CNTNAP5: variants seen among roughly 807,000 people sequenced by gnomAD.
The protein encoded by CNTNAP5 is contactin-associated protein-like 5.
In CNTNAP5, 72 loss-of-function variants were observed where a neutral mutation model predicts 150.2. The observed-to-expected ratio is 0.48, with a 90% CI of 0.40 to 0.58. The LOEUF is 0.58. CNTNAP5 is among the 20% of genes least tolerant of loss of function. The probability of loss-of-function intolerance (pLI) is 0.00; values close to 1 mark genes in which losing one functional copy is unlikely to be tolerated. For synonymous variants in CNTNAP5, 672 were observed against 619.8 expected, an observed-to-expected ratio of 1.08 and a Z score of -1.25; for missense variants, 1,636 against 1,626.2, an observed-to-expected ratio of 1.01 and a Z score of -0.10.
intron 3 of CNTNAP5, among the ~76,000 whole-genome samples, chr2:124,290,438 T>G (rs1346803811): frequency 6.6e-6 from 1 of 152,194 alleles, no homozygotes; most frequent in Non-Finnish European, 1.5e-5. Flanking sequence ...TCTTTAAAAT[T>G]GAACCTACTG....
intron 13 of CNTNAP5, among the ~76,000 whole-genome samples, chr2:124,681,135 T>A (rs1463574006): frequency 1.3e-5 from 2 of 150,206 alleles, no homozygotes; most frequent in African/African-American, 2.4e-5. Flanking sequence ...AAAAAATAAA[T>A]AAATAAAAAT....
At chr2:124,137,576 A>T (rs7606373) in intron 1 of CNTNAP5, among the ~76,000 whole-genome samples, 1 of 152,126 alleles carries the variant, frequency 6.6e-6, no homozygotes, top group South Asian at 2.1e-4. Flanking sequence ...TTAACACACA[A>T]AAAAAATTCT....
chr2:124,111,170 G>C (rs1399523321), intron 1 of CNTNAP5, among the ~76,000 whole-genome samples: 1 of 152,076 alleles, frequency 6.6e-6, no homozygotes, highest in Non-Finnish European at 1.5e-5. Context: ...ATGAAATTTG[G>C]GCAAATTCCA....
intron 11 of CNTNAP5, among the ~76,000 whole-genome samples, chr2:124,595,062 A>G (rs1311833325): frequency 7.5e-5 from 11 of 146,392 alleles, no homozygotes; most frequent in South Asian, 4.6e-4. Context: ...TTTTCTAGAT[A>G]AACAATCATG....
At position 124,857,664 on chromosome 2, in the gene CNTNAP5, A is replaced by T. The variant is rs191448966; in HGVS notation, c.3218-7642A>T. ...AACATGATGAAACCCTGTCTCCACTAAAAAAAAAAGAAAAAAAAATGAATA... is the reference window on the plus strand; with the variant it reads ...AACATGATGAAACCCTGTCTCCACTTAAAAAAAAAGAAAAAAAAATGAATA... On this transcript the variant is annotated intron_variant, in intron 19 of 23. Coordinates refer to ENST00000682447, the MANE Select transcript of CNTNAP5 (RefSeq NM_001367498.1). 5.6e-5 allele frequency among the ~76,000 whole-genome samples: 8 copies of T among 142,586 alleles called. No homozygotes were observed. The South Asian group carries it at 1.7e-3, about 31-fold the overall frequency. 93.5% of individuals were successfully genotyped at this position (142,586 alleles called of 152,430 possible). A position where few individuals can be genotyped will look rare whatever the true frequency, so the allele number is the denominator to read the frequency against.
At chr2:124,507,283 A>T (rs1472911841) in intron 8 of CNTNAP5, among the ~76,000 whole-genome samples, 1 of 151,980 alleles carries the variant, frequency 6.6e-6, no homozygotes, top group Non-Finnish European at 1.5e-5. Context: ...ACATGGCAAA[A>T]CCCCATCTTT....
At chr2:124,603,041 ACCTTCCTT>A (rs1354053252) in intron 11 of CNTNAP5, among the ~76,000 whole-genome samples, 2 of 101,642 alleles carry the variant, frequency 2.0e-5, no homozygotes, top group Admixed American at 3.0e-4. Flanking sequence ...TTTCCTTCCT[ACCTTCCTT>A]CCTTCCTTCT....
intron 21 of CNTNAP5, among the ~76,000 whole-genome samples, chr2:124,889,855 A>G (rs943771459): frequency 6.6e-6 from 1 of 152,014 alleles, no homozygotes; most frequent in African/African-American, 2.4e-5. Flanking sequence ...TATTATCGCC[A>G]CTGTTATATG....
chr2:124,661,582 G>A (rs1229683026), intron 13 of CNTNAP5, among the ~76,000 whole-genome samples: 1 of 151,362 alleles, frequency 6.6e-6, no homozygotes, highest in Non-Finnish European at 1.5e-5. Flanking sequence ...TTTTTAATAA[G>A]TAGAAATGGT....
At chr2:124,613,378 G>A (rs1170266440) in intron 12 of CNTNAP5, among the ~76,000 whole-genome samples, 1 of 152,266 alleles carries the variant, frequency 6.6e-6, no homozygotes, top group African/African-American at 2.4e-5. Context: ...GGAAAACCAA[G>A]CTCTCTTTCT....
intron 8 of CNTNAP5, among the ~76,000 whole-genome samples, 163 bp downstream of exon 8, chr2:124,504,719 T>C (rs35575439): frequency 0.012 from 1,792 of 149,246 alleles, 23 homozygotes; most frequent in Non-Finnish European, 0.017. Flanking sequence ...TTTTTTTTTT[T>C]TTTTTTTGAA....
At chr2:124,471,009 C>T (rs1017063949) in intron 6 of CNTNAP5, among the ~76,000 whole-genome samples, 2 of 152,072 alleles carry the variant, frequency 1.3e-5, no homozygotes, top group African/African-American at 2.4e-5. Flanking sequence ...TAGCATGATG[C>T]CTCCAGCTTT....
chr2:124,444,599 A>AAAAC (rs954030019), intron 5 of CNTNAP5, among the ~76,000 whole-genome samples: 2 of 152,046 alleles, frequency 1.3e-5, no homozygotes, highest in Non-Finnish European at 2.9e-5. Context: ...ACTGCATCTC[A>AAAAC]AAACAAACAA....
intron 7 of CNTNAP5, among the ~76,000 whole-genome samples, chr2:124,502,376 G>T (rs1273364809): frequency 1.3e-5 from 2 of 152,170 alleles, no homozygotes; most frequent in Non-Finnish European, 2.9e-5. Context: ...GCCTTCCATG[G>T]CTGTGATCCA....
chr2:124,468,133 C>T (rs191249041), intron 6 of CNTNAP5, among the ~76,000 whole-genome samples: 2 of 152,192 alleles, frequency 1.3e-5, no homozygotes. Context: ...CCTTAGTGTA[C>T]TAACCAGGGT....
At chr2:124,251,206 T>C (rs1687165364) in intron 3 of CNTNAP5, among the ~76,000 whole-genome samples, 1 of 152,146 alleles carries the variant, frequency 6.6e-6, no homozygotes, top group Non-Finnish European at 1.5e-5. Context: ...TAGACTTGTC[T>C]TGAAAATAAT....
At chr2:124,376,333 A>T (rs974278626) in intron 3 of CNTNAP5, among the ~76,000 whole-genome samples, 1 of 152,126 alleles carries the variant, frequency 6.6e-6, no homozygotes, top group Admixed American at 6.6e-5. Flanking sequence ...AGCAGGAGCA[A>T]GCATAGACAT....
intron 19 of CNTNAP5, among the ~76,000 whole-genome samples, chr2:124,819,246 A>G (rs1682434089): frequency 1.3e-5 from 2 of 152,148 alleles, no homozygotes; most frequent in Non-Finnish European, 2.9e-5. Flanking sequence ...TGTCCTTTGT[A>G]GCTAGGATGG....
At chr2:124,677,369 A>G (rs932069480) in intron 13 of CNTNAP5, among the ~76,000 whole-genome samples, 4 of 152,214 alleles carry the variant, frequency 2.6e-5, no homozygotes, top group African/African-American at 9.6e-5. Context: ...CAGCAGCAAG[A>G]TTTAGTGTGA....
Sources: allele counts gnomAD v4.1 joint callset (sites outside exome capture counted in the v4.1 genomes callset), GRCh38; gene constraint gnomAD v4.1.1; transcripts MANE v1.5; gene names NCBI Gene and HGNC (gene_info 2026-07-23, HGNC 2026-07-21).